Variants in CHD6 observed in about 807,000 individuals in gnomAD.
The protein encoded by CHD6 is ATP-dependent chromatin remodeler CHD6.
A neutral mutation model predicts 276.9 loss-of-function variants in CHD6; 50 were observed. That is an observed-to-expected ratio of 0.18 (90% CI 0.14 to 0.23). CHD6 has a LOEUF of 0.23. Among genes scored for constraint, CHD6 ranks in the 10% least tolerant of loss-of-function variants. The pLI, the probability that CHD6 is intolerant of heterozygous loss-of-function variation, is 1.00. For synonymous variants in CHD6, 1,173 were observed against 1,229.3 expected (o/e 0.95, Z 0.96); for missense variants, 2,564 against 3,365.8 (o/e 0.76, Z 5.89).
chr20:41,512,060 T>G (rs944951403), intron 5 of CHD6, among the ~76,000 whole-genome samples: 1 of 152,098 alleles, frequency 6.6e-6, no homozygotes, highest in African/African-American at 2.4e-5. Context: ...CTCTGCTTCC[T>G]GGGTTCAAGT....
intron 22 of CHD6, among the ~76,000 whole-genome samples, 158 bp from the exon 23 acceptor site, chr20:41,451,263 A>C (rs2048231552): frequency 6.6e-6 from 1 of 152,192 alleles, no homozygotes; most frequent in Admixed American, 6.5e-5. Flanking sequence ...GGTAGGAAGG[A>C]AGGCCATGCA....
intron 14 of CHD6, chr20:41,485,662 G>C (rs1364554670): frequency 1.3e-5 from 2 of 151,492 alleles, no homozygotes; most frequent in African/African-American, 4.8e-5. Context: ...ATAGAGCAGA[G>C]ATTAGAGTAG....
intron 1 of CHD6, among the ~76,000 whole-genome samples, chr20:41,579,348 G>T (rs925288339): frequency 6.7e-6 from 1 of 149,144 alleles, no homozygotes; most frequent in African/African-American, 2.5e-5. Flanking sequence ...TGAGGCAGGA[G>T]AGGTGCTTGA....
At chr20:41,534,908 G>GT (rs1385207610) in intron 2 of CHD6, among the ~76,000 whole-genome samples, 1 of 152,128 alleles carries the variant, frequency 6.6e-6, no homozygotes, top group African/African-American at 2.4e-5. Context: ...CAGCAGTGAG[G>GT]TGACAGGTAT....
At chr20:41,555,740 C>T (rs1170274985) in intron 1 of CHD6, among the ~76,000 whole-genome samples, 1 of 151,312 alleles carries the variant, frequency 6.6e-6, no homozygotes, top group East Asian at 2.0e-4. Flanking sequence ...GGATGGCGGC[C>T]GGGCAGAGAC....
chr20:41,596,672 G>A (rs1045019688), intron 1 of CHD6, among the ~76,000 whole-genome samples: 5 of 151,794 alleles, frequency 3.3e-5, no homozygotes, highest in Non-Finnish European at 2.9e-5. Flanking sequence ...AGTATTTCCC[G>A]AGCATTTAAT....
chr20:41,445,613 C>A, intron 25 of CHD6, 52 bp downstream of exon 25: 1 of 1,236,468 alleles, frequency 8.1e-7, no homozygotes, highest in African/African-American at 1.5e-5. Flanking sequence ...CTGAACTCAT[C>A]CTTCCTGGGG....
intron 1 of CHD6, among the ~76,000 whole-genome samples, chr20:41,607,529 T>C (rs1020912292): frequency 6.6e-6 from 1 of 152,080 alleles, no homozygotes; most frequent in Non-Finnish European, 1.5e-5. Flanking sequence ...ATGAATAATA[T>C]AAGAAAAGAC....
chr20:41,472,693 C>T (rs1461090788), intron 17 of CHD6, among the ~76,000 whole-genome samples: 2 of 152,194 alleles, frequency 1.3e-5, no homozygotes, highest in Admixed American at 1.3e-4. Context: ...TGGACCCTGC[C>T]ATTTTCTTGC....
At chr20:41,589,111 A>G (rs1416134467) in intron 1 of CHD6, among the ~76,000 whole-genome samples, 1 of 152,234 alleles carries the variant, frequency 6.6e-6, no homozygotes, top group Admixed American at 6.5e-5. Context: ...AACCAAAGAC[A>G]AAAACCACAT....
chr20:41,459,084 C>T (rs568100969), intron 17 of CHD6, among the ~76,000 whole-genome samples: 1 of 152,138 alleles, frequency 6.6e-6, no homozygotes, highest in South Asian at 2.1e-4. Context: ...GTTACTGGGC[C>T]CAGAGAAAGG....
chr20:41,424,449 G>T (rs1030658390), intron 29 of CHD6, among the ~76,000 whole-genome samples: 4 of 152,254 alleles, frequency 2.6e-5, no homozygotes, highest in Admixed American at 6.5e-5. Flanking sequence ...TAGAGAAAGA[G>T]TGAGAAGCAG....
intron 2 of CHD6, among the ~76,000 whole-genome samples, chr20:41,539,331 C>A (rs978190510): frequency 6.6e-6 from 1 of 152,242 alleles, no homozygotes; most frequent in East Asian, 1.9e-4. Flanking sequence ...GACTGACACA[C>A]ATTAACCTAA....
chr20:41,417,377 G>A (rs1174195318), intron 31 of CHD6, 28 bp from the exon 32 acceptor site: 1 of 1,601,264 alleles, frequency 6.2e-7, no homozygotes, highest in South Asian at 1.1e-5. Flanking sequence ...AATTAATCAG[G>A]CACTTAACTA....
intron 9 of CHD6, 61 bp downstream of exon 9, chr20:41,493,797 G>A: frequency 1.3e-6 from 2 of 1,577,578 alleles, no homozygotes; most frequent in Admixed American, 1.7e-5. Context: ...AGGGTCACAT[G>A]TTAAAACAAG....
intron 5 of CHD6, among the ~76,000 whole-genome samples, chr20:41,508,031 C>T (rs145895961): frequency 7.6e-4 from 115 of 152,080 alleles, no homozygotes; most frequent in Admixed American, 1.1e-3. Flanking sequence ...TAGAAATATC[C>T]CAAGGTAAAT....
At chr20:41,498,811 A>ATGTATGTG (rs1555796111) in intron 6 of CHD6, among the ~76,000 whole-genome samples, 98 of 86,594 alleles carry the variant, frequency 1.1e-3, no homozygotes, top group Non-Finnish European at 1.6e-3. Flanking sequence ...GTATGTATGT[A>ATGTATGTG]TGTGTGTGTG....
At chr20:41,459,610 G>A (rs2048482165) in intron 17 of CHD6, among the ~76,000 whole-genome samples, 1 of 152,184 alleles carries the variant, frequency 6.6e-6, no homozygotes, top group Non-Finnish European at 1.5e-5. Context: ...GATCTGATGT[G>A]TTTATCAGGG....
chr20:41,438,222 C>G (rs1416020771), intron 26 of CHD6, among the ~76,000 whole-genome samples: 1 of 152,186 alleles, frequency 6.6e-6, no homozygotes, highest in Non-Finnish European at 1.5e-5. Flanking sequence ...GATGCTAGCT[C>G]AGCTGCCTAA....
Sources: allele counts gnomAD v4.1 joint callset (sites outside exome capture counted in the v4.1 genomes callset), GRCh38; gene constraint gnomAD v4.1.1; transcripts MANE v1.5; gene names NCBI Gene and HGNC (gene_info 2026-07-23, HGNC 2026-07-21).